KLRD1: variants seen among roughly 807,000 people sequenced by gnomAD.
KLRD1 encodes natural killer cells antigen CD94.
Under a neutral mutation model 22.6 loss-of-function variants are expected in KLRD1, and 21 were observed. That is an observed-to-expected ratio of 0.93 (90% CI 0.66 to 1.34). The LOEUF (loss-of-function observed/expected upper bound fraction) is 1.34. Ranked by LOEUF, KLRD1 falls within the 40% of genes most tolerant of loss-of-function variation. KLRD1 has a pLI of 0.00. For missense variants in KLRD1, 183 were observed against 208.6 expected, an observed-to-expected ratio of 0.88 and a Z score of 0.76; for synonymous variants, 59 against 71.1, an observed-to-expected ratio of 0.83 and a Z score of 0.85.
chr12:10,309,818 T>C, intron 3 of KLRD1, 130 bp downstream of exon 3: 2 of 661,994 alleles, frequency 3.0e-6, no homozygotes, highest in Non-Finnish European at 5.4e-6. Context: ...TGTAGGATAG[T>C]CTCATTTTAC....
chr12:10,260,854 ATGGCATGAACCCGGGAGG>A (rs1949446628), intron 1 of KLRD1, among the ~76,000 whole-genome samples: 1 of 152,042 alleles, frequency 6.6e-6, no homozygotes, highest in Non-Finnish European at 1.5e-5. Context: ...AGGCAGGAGA[ATGGCATGAACCCGGGAGG>A]TGGAGCTTGC....
In KLRD1 at chr12:10,322,565, T is replaced by C. The variant is rs948220662; in HGVS notation, c.*7772T>C. The C allele has an allele frequency of 6.6e-6, 1 of 152,200 alleles. No individual in the cohort carries two copies. The highest frequency in any genetic ancestry group is 2.4e-5 in the African/African-American group (1 of 41,446). 9.4% of individuals were successfully genotyped at this position (152,200 alleles called of 1,614,324 possible). A position where few individuals can be genotyped will look rare whatever the true frequency, so the allele number is the denominator to read the frequency against. On this transcript the variant is annotated 3_prime_UTR_variant, in exon 6 of 6. Coordinates refer to ENST00000336164, the MANE Select transcript of KLRD1 (RefSeq NM_002262.5). ...CCCAAGAGCTCTTACCCACCTGCTGTTGTTTGGACTGGCACCTTACTAGAC... is the reference window on the plus strand; with the variant it reads ...CCCAAGAGCTCTTACCCACCTGCTGCTGTTTGGACTGGCACCTTACTAGAC...
rs377271869 is a variant in KLRD1 at position 10,243,873 on chromosome 12, G to A, written c.-101+17640G>A. On this transcript the variant is annotated intron_variant, in intron 1 of 5. Transcript: ENST00000544747. ...TTTGATTTAAAAATACAATGATTCCGTGTTTATTTTTAATAAATATAACTA... is the reference window on the plus strand; with the variant it reads ...TTTGATTTAAAAATACAATGATTCCATGTTTATTTTTAATAAATATAACTA... 8.9e-4 allele frequency among the ~76,000 whole-genome samples: 136 copies of A among 152,216 alleles called. 2 individuals are homozygous for A. The highest frequency in any genetic ancestry group is 2.8e-3 in the African/African-American group (118 of 41,502).
chr12:10,300,612 G>A (rs568289174), upstream of KLRD1, among the ~76,000 whole-genome samples: 6 of 152,292 alleles, frequency 3.9e-5, no homozygotes, highest in Non-Finnish European at 7.4e-5. Context: ...GTGAGCAATG[G>A]TTTCAACTTA....
chr12:10,294,503 AT>A (rs533613284), intron 1 of KLRD1, among the ~76,000 whole-genome samples: 96 of 152,164 alleles, frequency 6.3e-4, no homozygotes, highest in Non-Finnish European at 8.5e-4. Context: ...GGTTCAAGCA[AT>A]TCTCCTGCCT....
At chr12:10,284,361 G>A (rs1408202466) in intron 1 of KLRD1, among the ~76,000 whole-genome samples, 3 of 152,160 alleles carry the variant, frequency 2.0e-5, no homozygotes, top group Non-Finnish European at 4.4e-5. Flanking sequence ...CTCAGTAAGT[G>A]GGGAATAGGT....
At chr12:10,274,376 A>C (rs768244079) in intron 1 of KLRD1, among the ~76,000 whole-genome samples, 3 of 152,206 alleles carry the variant, frequency 2.0e-5, no homozygotes, top group Admixed American at 6.5e-5. Flanking sequence ...ATCAACATTT[A>C]TGTAGTGCAA....
intron 1 of KLRD1, among the ~76,000 whole-genome samples, chr12:10,268,478 T>C (rs1949520277): frequency 6.6e-6 from 1 of 152,200 alleles, no homozygotes; most frequent in African/African-American, 2.4e-5. Context: ...GGATATTAGA[T>C]CTTGCTGGTA....
Position 10,314,757 on chromosome 12 carries a change from TA to T in KLRD1, c.509del (p.Asn170IlefsTer27). ...ATGCTTTAGATGAATCCTGTGAAGA[TA>T]AAAATCGTTATATCTGTAAGCAACA... ...GNALDESCEDKNRYICKQQLI is the reference protein window; with the variant it reads ...GNALDESCEDXNRYICKQQLI On this transcript the variant is annotated frameshift_variant, in exon 6 of 6. Coordinates refer to ENST00000336164, the MANE Select transcript of KLRD1 (RefSeq NM_002262.5). LOFTEE classifies it high-confidence loss of function. The T allele has an allele frequency of 6.2e-7, 1 of 1,606,590 alleles. No individual in the cohort carries two copies. Among genetic ancestry groups the T allele is most frequent in the Non-Finnish European group, 8.5e-7 (1 of 1,177,368 alleles).
At chr12:10,270,079 A>G (rs1949536212) in intron 1 of KLRD1, among the ~76,000 whole-genome samples, 1 of 152,194 alleles carries the variant, frequency 6.6e-6, no homozygotes, top group East Asian at 1.9e-4. Flanking sequence ...CAGCTTGTGA[A>G]TCTAATGTCA....
chr12:10,267,356 T>C (rs937255239), intron 1 of KLRD1, among the ~76,000 whole-genome samples: 17 of 152,156 alleles, frequency 1.1e-4, no homozygotes, highest in South Asian at 2.1e-4. Flanking sequence ...TGCCTTTTAA[T>C]AAAGTATCAT....
upstream of KLRD1, among the ~76,000 whole-genome samples, chr12:10,305,336 A>G (rs560985809): frequency 6.6e-6 from 1 of 152,330 alleles, no homozygotes; most frequent in African/African-American, 2.4e-5. Context: ...TGGATATTTC[A>G]GCGGAATTTA....
rs558944427 is a variant in KLRD1, at chr12:10,244,331, G to A, written c.-101+18098G>A. Among the ~76,000 whole-genome samples the A allele has an allele frequency of 1.3e-4, 20 of 152,166 alleles. 1 individual carries two copies. Among genetic ancestry groups the A allele is most frequent in the African/African-American group, 4.3e-4 (18 of 41,480 alleles). ...CTGGAGAACAGTCATCAAATCAGTCGCTACCCACCAGGCTCAAGGACTCAC... is the reference window on the plus strand; with the variant it reads ...CTGGAGAACAGTCATCAAATCAGTCACTACCCACCAGGCTCAAGGACTCAC... On this transcript the variant is annotated intron_variant, in intron 1 of 5. Coordinates refer to the KLRD1 transcript ENST00000544747.
In KLRD1 at chr12:10,327,788, G is replaced by A. The variant is rs1950374333; in HGVS notation, c.*12995G>A. The A allele has an allele frequency of 2.0e-5, 3 of 152,134 alleles. No homozygotes were observed. In the South Asian group the frequency reaches 6.2e-4, roughly 31 times the overall value. The allele number at this position is 152,134 out of a possible 1,614,324, so 9.4% of individuals were successfully genotyped here. ...CAGCTTTTTCCATAGCATGATATTA[G>A]CTATGCACTTTACATATAGGGCCTT... On this transcript the variant is annotated 3_prime_UTR_variant, in exon 6 of 6. Coordinates refer to ENST00000336164, the MANE Select transcript of KLRD1 (RefSeq NM_002262.5).
chr12:10,252,730 A>G (rs1419912137), intron 1 of KLRD1, among the ~76,000 whole-genome samples: 2 of 152,168 alleles, frequency 1.3e-5, no homozygotes, highest in African/African-American at 2.4e-5. Context: ...TCTTTGAGAA[A>G]GAGGAATAAC....
At position 10,329,568 on chromosome 12, in the gene KLRD1, G is replaced by A. The variant is rs1950392118; in HGVS notation, c.*14775G>A. 1 of 152,056 alleles carries A rather than the reference G, an allele frequency of 6.6e-6. No homozygotes were observed. Among genetic ancestry groups the A allele is most frequent in the African/African-American group, 2.4e-5 (1 of 41,392 alleles). The allele number at this position is 152,056 out of a possible 1,614,324, so 9.4% of individuals were successfully genotyped here. ...CTGGGTCTTTGTTGCCTTTATGTTTGGTTGTTCTATCCATTATTAAAAGTG... is the reference window on the plus strand; with the variant it reads ...CTGGGTCTTTGTTGCCTTTATGTTTAGTTGTTCTATCCATTATTAAAAGTG... On this transcript the variant is annotated 3_prime_UTR_variant, in exon 6 of 6. Coordinates refer to ENST00000336164, the MANE Select transcript of KLRD1 (RefSeq NM_002262.5).
chr12:10,288,006 T>G (rs1273820151), intron 1 of KLRD1, among the ~76,000 whole-genome samples: 1 of 150,072 alleles, frequency 6.7e-6, no homozygotes, highest in Non-Finnish European at 1.5e-5. Flanking sequence ...AGGCAGAGCT[T>G]GCAGTGAGCC....
chr12:10,262,542 T>G lies in KLRD1; in HGVS notation c.-101+36309T>G, dbSNP rs116016973. 3.7e-3 allele frequency among the ~76,000 whole-genome samples: 562 copies of G among 152,202 alleles called. 2 individuals are homozygous for G. Among genetic ancestry groups the G allele is most frequent in the African/African-American group, 0.012 (508 of 41,578 alleles). ...AAGTGAATATTTACCTAATACATAT[T>G]TACATATATTTACAAAATACATCTA... On this transcript the variant is annotated intron_variant, in intron 1 of 5. Coordinates refer to the KLRD1 transcript ENST00000544747.
At chr12:10,258,140 G>T (rs1434682828) in intron 1 of KLRD1, among the ~76,000 whole-genome samples, 2 of 152,134 alleles carry the variant, frequency 1.3e-5, no homozygotes, top group Non-Finnish European at 2.9e-5. Context: ...TCTAGCTTAG[G>T]TCAGTTTTTC....
Sources: gnomAD v4.1 joint callset for allele counts (sites outside exome capture counted in the v4.1 genomes callset) on GRCh38, gnomAD v4.1.1 for gene constraint, MANE v1.5 for transcripts, NCBI Gene and HGNC (gene_info 2026-07-23, HGNC 2026-07-21) for gene names.